Variants in BCKDHB observed in about 807,000 individuals in gnomAD.
BCKDHB encodes the protein branched chain keto acid dehydrogenase E1 subunit beta, also known as 2-oxoisovalerate dehydrogenase subunit beta, mitochondrial.
In BCKDHB, 41 loss-of-function variants were observed where a neutral mutation model predicts 48.5. The observed-to-expected ratio is 0.85, with a 90% CI of 0.66 to 1.10. The LOEUF is 1.10. BCKDHB is among the 50% of genes least tolerant of loss of function. BCKDHB has a pLI of 0.00. For synonymous variants in BCKDHB, 201 were observed against 174.8 expected (o/e 1.15, Z -1.18); for missense variants, 496 against 494.2 (o/e 1.00, Z -0.03).
At chr6:80,134,494 A>G (rs990140782) in intron 3 of BCKDHB, among the ~76,000 whole-genome samples, 3 of 152,168 alleles carry the variant, frequency 2.0e-5, no homozygotes, top group Non-Finnish European at 2.9e-5. Flanking sequence ...GGGCCTCAGT[A>G]TCCTCATCAG....
At chr6:80,179,380 C>A (rs1233026358) in intron 6 of BCKDHB, among the ~76,000 whole-genome samples, 1 of 152,118 alleles carries the variant, frequency 6.6e-6, no homozygotes, top group East Asian at 1.9e-4. Flanking sequence ...AAAATAATTA[C>A]ACTGAACATG....
the BCKDHB span, among the ~76,000 whole-genome samples, chr6:80,407,294 C>A: frequency 1.3e-5 from 2 of 152,104 alleles, no homozygotes; most frequent in East Asian, 1.9e-4. Flanking sequence ...TAGCATGATA[C>A]CTCCAGGTTT....
chr6:80,383,738 T>G, the BCKDHB span, among the ~76,000 whole-genome samples: 7 of 152,138 alleles, frequency 4.6e-5, no homozygotes, highest in African/African-American at 1.7e-4. Flanking sequence ...TGCAGTATCT[T>G]TCCTACTGTG....
the BCKDHB span, among the ~76,000 whole-genome samples, chr6:80,459,418 A>G: frequency 6.6e-6 from 1 of 152,184 alleles, no homozygotes; most frequent in Admixed American, 6.5e-5. Flanking sequence ...CATATGAAGT[A>G]TCTAAAATAG....
rs187644014 is a variant in BCKDHB, at chr6:80,112,782, A to G, written c.196+5893A>G. On this transcript the variant is annotated intron_variant, in intron 1 of 9. Transcript: ENST00000320393. ...CCGGGGTGTTCCCCTTTGGGATCCA[A>G]TCTTAGAGTGTCAGACGTCTCTGAC... 4.1e-4 allele frequency among the ~76,000 whole-genome samples: 62 copies of G among 152,300 alleles called. No homozygotes were observed. The East Asian group carries it at 9.9e-3, about 24-fold the overall frequency.
At chr6:80,114,038 C>T (rs1398094155) in intron 1 of BCKDHB, among the ~76,000 whole-genome samples, 1 of 152,066 alleles carries the variant, frequency 6.6e-6, no homozygotes, top group African/African-American at 2.4e-5. Context: ...TTTTCATCTG[C>T]CACGCAGAAA....
intron 9 of BCKDHB, among the ~76,000 whole-genome samples, chr6:80,308,598 T>TTC (rs35452949): frequency 6.4e-4 from 29 of 45,656 alleles, no homozygotes; most frequent in African/African-American, 2.9e-3. Flanking sequence ...CTTCTTCTTC[T>TTC]TTTTTTTTTT....
chr6:80,346,499 T>C (rs1009701935), downstream of BCKDHB, among the ~76,000 whole-genome samples: 1 of 152,088 alleles, frequency 6.6e-6, no homozygotes, highest in Non-Finnish European at 1.5e-5. Flanking sequence ...CTGAACAAGG[T>C]GTCGTAATGA....
the BCKDHB span, among the ~76,000 whole-genome samples, chr6:80,388,809 G>A: frequency 3.9e-5 from 6 of 152,214 alleles, no homozygotes; most frequent in African/African-American, 1.4e-4. Context: ...AAAGTGGACA[G>A]CTGCAGCACT....
intron 8 of BCKDHB, among the ~76,000 whole-genome samples, chr6:80,272,676 A>G (rs759701268): frequency 2.0e-5 from 3 of 152,182 alleles, no homozygotes; most frequent in Non-Finnish European, 2.9e-5. Flanking sequence ...TTCCTTTGCT[A>G]TAGCTTTCAC....
At chr6:80,267,154 T>G (rs945950545) in intron 8 of BCKDHB, among the ~76,000 whole-genome samples, 1 of 152,110 alleles carries the variant, frequency 6.6e-6, no homozygotes, top group African/African-American at 2.4e-5. Flanking sequence ...AAGTAAGAGT[T>G]TCTGTCTTCA....
chr6:80,401,371 TC>T, the BCKDHB span, among the ~76,000 whole-genome samples: 1 of 151,794 alleles, frequency 6.6e-6, no homozygotes, highest in South Asian at 2.1e-4. Flanking sequence ...CTTCTGTAGA[TC>T]CCCCCGACCC....
At chr6:80,207,480 G>T (rs988737545) in intron 8 of BCKDHB, among the ~76,000 whole-genome samples, 1 of 151,660 alleles carries the variant, frequency 6.6e-6, no homozygotes, top group Non-Finnish European at 1.5e-5. Context: ...TATGAAAAAT[G>T]GATGGGTCAA....
At chr6:80,341,632 A>G (rs1769908630) in intron 9 of BCKDHB, among the ~76,000 whole-genome samples, 1 of 152,234 alleles carries the variant, frequency 6.6e-6, no homozygotes, top group Non-Finnish European at 1.5e-5. Context: ...AGTGATTTTA[A>G]CAAATACCAA....
At chr6:80,168,184 G>A (rs1772672400) in intron 4 of BCKDHB, among the ~76,000 whole-genome samples, 1 of 151,998 alleles carries the variant, frequency 6.6e-6, no homozygotes, top group Non-Finnish European at 1.5e-5. Context: ...TACTCTGGTG[G>A]CTGAGGCAGG....
the BCKDHB span, among the ~76,000 whole-genome samples, chr6:80,379,718 T>G: frequency 6.6e-6 from 1 of 152,006 alleles, no homozygotes; most frequent in South Asian, 2.1e-4. Flanking sequence ...TCCAGAAGAC[T>G]CCTAGAGTTA....
At chr6:80,378,846 C>T in the BCKDHB span, among the ~76,000 whole-genome samples, 1 of 151,970 alleles carries the variant, frequency 6.6e-6, no homozygotes, top group Non-Finnish European at 1.5e-5. Flanking sequence ...GATATAATAT[C>T]TCATTGTGGT....
chr6:80,124,222 C>G (rs971401989), intron 1 of BCKDHB, among the ~76,000 whole-genome samples: 1 of 152,144 alleles, frequency 6.6e-6, no homozygotes, highest in Admixed American at 6.6e-5. Flanking sequence ...TTTCTTAATC[C>G]TGAGTTCTAA....
At chr6:80,219,202 C>T (rs1341347442) in intron 8 of BCKDHB, among the ~76,000 whole-genome samples, 3 of 143,660 alleles carry the variant, frequency 2.1e-5, no homozygotes, top group Non-Finnish European at 4.6e-5. Context: ...GGAATTTACT[C>T]TTTTTTTTTT....
Sources: gnomAD v4.1 joint callset for allele counts (sites outside exome capture counted in the v4.1 genomes callset) on GRCh38, gnomAD v4.1.1 for gene constraint, MANE v1.5 for transcripts, NCBI Gene and HGNC (gene_info 2026-07-23, HGNC 2026-07-21) for gene names.